Variants in SRCAP observed in about 807,000 individuals in gnomAD.
The protein encoded by SRCAP is chromatin remodeling protein SRCAP.
SRCAP carries 46 observed loss-of-function variants against 263.1 expected under a neutral mutation model. The ratio of observed to expected loss-of-function variants is 0.17; its 90% CI spans 0.14 to 0.22. The LOEUF (loss-of-function observed/expected upper bound fraction) is 0.22, where lower values mean the gene tolerates loss of function less well. SRCAP is among the 10% of genes least tolerant of loss of function. SRCAP has a pLI of 1.00. For missense variants in SRCAP, 3,695 were observed against 4,181.9 expected (o/e 0.88, Z 3.21); for synonymous variants, 1,813 against 1,662.1 (o/e 1.09, Z -2.21).
At chr16:30,735,136 A>ATTTTTTTTTTTTTTTTTTTTTTTT (rs10532453) in intron 31 of SRCAP, among the ~76,000 whole-genome samples, 1 of 106,508 alleles carries the variant, frequency 9.4e-6, no homozygotes, top group African/African-American at 4.4e-5. Flanking sequence ...AGTACAAAGC[A>ATTTTTTTTTTTTTTTTTTTTTTTT]TTTTTTTTTT....
Position 30,737,323 on chromosome 16 carries a change from G to C in SRCAP, c.7283G>C (p.Arg2428Pro). 6.2e-7 allele frequency: 1 copy of C among 1,614,030 alleles called. No homozygotes were observed. The highest frequency in any genetic ancestry group is 8.5e-7 in the Non-Finnish European group (1 of 1,180,004). ...HQTRSTTTPP[R>P]CSPARERVPR... Reference sequence around the variant, plus strand: ...ACTCGCAGCACCACCACACCACCCCGCTGCAGTCCTGCCAGGGAGCGAGTT... The same window carrying C: ...ACTCGCAGCACCACCACACCACCCCCCTGCAGTCCTGCCAGGGAGCGAGTT... The change falls in exon 34 of 34, where the codon CGC (arginine) becomes CCC (proline). Residue 2428 changes from arginine to proline, a missense_variant. This residue lies in a region of SRCAP where 1,207 missense variants were observed against 1,142.9 expected (regional missense o/e 1.06). Transcript: ENST00000262518.
chr16:30,715,214 A>G (rs143455502), intron 16 of SRCAP, among the ~76,000 whole-genome samples: 1,709 of 152,350 alleles, frequency 0.011, 23 homozygotes, highest in Non-Finnish European at 0.018. Context: ...CTGGCCTTAT[A>G]GCCTGTTATT....
rs140641749 is a variant in SRCAP, at chr16:30,738,373, T to C, written c.8333T>C (p.Val2778Ala). The C allele has an allele frequency of 3.8e-6, 6 of 1,558,972 alleles. No individual in the cohort carries two copies. The East Asian group carries it at 1.3e-4, about 35-fold the overall frequency. ...RQQRGAASTL[V>A]PGVSETSASP... is the part of the protein sequence containing the mutation. The stretch of plus-strand genomic sequence containing the variant: ...CAGCGGGGAGCTGCCAGCACCCTAG[T>C]GCCTGGGGTCTCTGAGACTAGTGCC... The change falls in exon 34 of 34, where the codon GTG becomes GCG. Residue 2778 changes from valine (V) to alanine (A), a missense_variant. Coordinates refer to ENST00000262518, the MANE Select transcript of SRCAP (RefSeq NM_006662.3).
At chr16:30,729,916 C>T (rs1275809859) in intron 27 of SRCAP, among the ~76,000 whole-genome samples, 8 of 152,132 alleles carry the variant, frequency 5.3e-5, no homozygotes, top group Non-Finnish European at 7.3e-5. Flanking sequence ...TACAGACATA[C>T]GCCACCATGC....
intron 18 of SRCAP, among the ~76,000 whole-genome samples, chr16:30,719,666 A>G (rs149928252): frequency 1.8e-3 from 271 of 152,256 alleles, no homozygotes; most frequent in African/African-American, 5.8e-3. Context: ...GGTACATGCT[A>G]ACATGCCTGG....
At chr16:30,703,666 G>C (rs1399854807) in intron 3 of SRCAP, among the ~76,000 whole-genome samples, 1 of 151,716 alleles carries the variant, frequency 6.6e-6, no homozygotes, top group East Asian at 2.0e-4. Context: ...GGAGGCTGAG[G>C]TGGGCGGATC....
chr16:30,739,643 C>T lies in SRCAP; in HGVS notation c.9603C>T (p.Asn3201=), dbSNP rs568470552. ...PGPRRLVGTT[N]QGDQRILRSS... ...CCCGCCGGCTTGTTGGGACCACCAA[C>T]CAAGGGGACCAGCGCATCCTGCGCA... The change falls in exon 34 of 34, where the codon AAC becomes AAT. Residue 3201 remains asparagine, a synonymous_variant. Transcript: ENST00000262518. The T allele has an allele frequency of 6.3e-7, 1 of 1,590,284 alleles. No homozygotes were observed.
intron 25 of SRCAP, 125 bp from the exon 26 acceptor site, chr16:30,728,841 A>G: frequency 8.3e-7 from 1 of 1,197,858 alleles, no homozygotes; most frequent in Non-Finnish European, 1.1e-6. Context: ...GGAAAACTAC[A>G]AAAAGCATAG....
chr16:30,723,201 G>C lies in SRCAP; in HGVS notation c.4131G>C (p.Leu1377=). ...CTCTGGTGAGGCCTCTTCTCAAGCT[G>C]GTCCACAGTCCTTCACCTGAAGTCA... ...TPTLVRPLLK[L]VHSPSPEVSA... Residue 1377 remains leucine (L), a synonymous_variant, in exon 24 of 34, where the codon CTG becomes CTC. Coordinates refer to ENST00000262518, the MANE Select transcript of SRCAP (RefSeq NM_006662.3). 1 of 1,613,132 alleles carries C rather than the reference G, an allele frequency of 6.2e-7. No homozygotes were observed.
At chr16:30,731,356 G>A (rs2053112812) in intron 27 of SRCAP, among the ~76,000 whole-genome samples, 1 of 152,116 alleles carries the variant, frequency 6.6e-6, no homozygotes, top group Non-Finnish European at 1.5e-5. Flanking sequence ...GGGTTAATCA[G>A]GTTCTTTTAC....
chr16:30,715,489 C>T (rs1323904049), intron 16 of SRCAP, among the ~76,000 whole-genome samples: 18 of 151,424 alleles, frequency 1.2e-4, no homozygotes, highest in Admixed American at 9.9e-4. Flanking sequence ...GGCATGAACC[C>T]GGGAGGCAGA....
chr16:30,735,215 C>T (rs1008463712), intron 31 of SRCAP, among the ~76,000 whole-genome samples: 4 of 143,134 alleles, frequency 2.8e-5, no homozygotes, highest in African/African-American at 5.4e-5. Context: ...GGCGGGATCT[C>T]GGCTCACTGC....
rs2053050180 is a variant in SRCAP, at chr16:30,725,011, A to C, written c.5587A>C (p.Thr1863Pro). 1 of 1,610,942 alleles carries C rather than the reference A, an allele frequency of 6.2e-7. No individual in the cohort carries two copies. Among genetic ancestry groups the C allele is most frequent in the African/African-American group, 1.4e-5 (1 of 73,878 alleles). The change falls in exon 25 of 34, where the codon ACT becomes CCT. Residue 1863 changes from threonine to proline, a missense_variant. By Grantham distance (38) the Thr-to-Pro change is conservative. Around this residue, in one of 12 missense-constraint regions of SRCAP, gnomAD observed 1,347 missense variants for 1,304.4 expected, o/e 1.03. Transcript: ENST00000262518. The part of the protein sequence containing the change: ...LRSGPPSPPS[T>P]ATSFGGPRPR... The stretch of plus-strand genomic sequence containing the variant: ...CTCTGGTCCCCCCAGCCCTCCCTCC[A>C]CTGCTACCTCGTTTGGTGGCCCCCG...
chr16:30,703,149 C>CTATATATATATATATATATA (rs368190667), intron 3 of SRCAP, among the ~76,000 whole-genome samples: 6 of 143,366 alleles, frequency 4.2e-5, no homozygotes, highest in African/African-American at 1.6e-4. Context: ...AAATCATATG[C>CTATATATATATATATATATA]TATATATATA....
At chr16:30,732,511 G>C (rs1040247577) in intron 27 of SRCAP, among the ~76,000 whole-genome samples, 1 of 151,952 alleles carries the variant, frequency 6.6e-6, no homozygotes, top group African/African-American at 2.4e-5. Flanking sequence ...CAGAAATGTT[G>C]AAGTTATTTC....
chr16:30,713,129 T>G (rs2151289021), intron 14 of SRCAP, 79 bp from the exon 15 acceptor site: 1 of 1,446,276 alleles, frequency 6.9e-7, no homozygotes, highest in East Asian at 2.3e-5. Flanking sequence ...TTACTGTCCT[T>G]TGAGGAGTTT....
intron 6 of SRCAP, 27 bp downstream of exon 6, chr16:30,707,739 A>G (rs2052843414): frequency 1.9e-6 from 3 of 1,613,236 alleles, no homozygotes; most frequent in Admixed American, 1.7e-5. Flanking sequence ...AGGAAAGGAA[A>G]ATGGCCTTGG....
chr16:30,703,148 G>GCT (rs1343273025), intron 3 of SRCAP, among the ~76,000 whole-genome samples: 17 of 138,138 alleles, frequency 1.2e-4, no homozygotes, highest in Non-Finnish European at 8.9e-5. Flanking sequence ...GAAATCATAT[G>GCT]CTATATATAT....
intron 30 of SRCAP, 193 bp downstream of exon 30, chr16:30,734,201 G>T: frequency 1.6e-6 from 1 of 635,640 alleles, no homozygotes; most frequent in South Asian, 2.1e-5. Flanking sequence ...AAATTAGCCG[G>T]GCATGGTGGT....
Sources: gnomAD v4.1 joint callset for allele counts (sites outside exome capture counted in the v4.1 genomes callset) on GRCh38, gnomAD v4.1.1 for gene constraint, gnomAD v4.1.1 regional missense constraint, MANE v1.5 for transcripts, NCBI Gene and HGNC (gene_info 2026-07-23, HGNC 2026-07-21) for gene names.